The following ITGAX variants were observed in gnomAD, a reference collection of about 807,000 sequenced individuals.
The protein encoded by ITGAX is integrin subunit alpha X.
A neutral mutation model predicts 140.2 loss-of-function variants in ITGAX; 99 were observed. The observed-to-expected ratio is 0.71, with a 90% CI of 0.60 to 0.83. The LOEUF (loss-of-function observed/expected upper bound fraction) is 0.83, where lower values mean the gene tolerates loss of function less well. ITGAX is among the 40% of genes least tolerant of loss of function. The probability of loss-of-function intolerance (pLI) is 0.00; values close to 1 mark genes in which losing one functional copy is unlikely to be tolerated. For missense variants in ITGAX, 1,444 were observed against 1,482.0 expected, an observed-to-expected ratio of 0.97 and a Z score of 0.42; for synonymous variants, 631 against 600.4, an observed-to-expected ratio of 1.05 and a Z score of -0.75.
At position 31,360,002 on chromosome 16, in the gene ITGAX, T is replaced by A; in HGVS notation, c.644T>A (p.Leu215Gln). Reference sequence around the variant, plus strand: ...AGGCGCAGCTCAAACCCCCTCAGCCTGTTGGCTTCTGTTCACCAGCTGCAA... The same window carrying A: ...AGGCGCAGCTCAAACCCCCTCAGCCAGTTGGCTTCTGTTCACCAGCTGCAA... ...EFRRSSNPLSLLASVHQLQGF... is the reference protein window; with the variant it reads ...EFRRSSNPLSQLASVHQLQGF... The change falls in exon 7 of 30, where the codon CTG (leucine) becomes CAG (glutamine). Residue 215 changes from leucine (L) to glutamine (Q), a missense_variant. Physicochemically the swap from Leu to Gln is moderately radical, Grantham distance 113. Coordinates refer to ENST00000268296, the MANE Select transcript of ITGAX (RefSeq NM_000887.5). 6.2e-7 allele frequency: 1 copy of A among 1,613,984 alleles called. No individual in the cohort carries two copies. The highest frequency in any genetic ancestry group is 8.5e-7 in the Non-Finnish European group (1 of 1,180,036).
At chr16:31,361,317 CCTG>C (rs1732397910) in intron 9 of ITGAX, 104 bp downstream of exon 9, 4 of 1,295,066 alleles carry the variant, frequency 3.1e-6, no homozygotes, top group Non-Finnish European at 3.2e-6. Flanking sequence ...TCTCGGTTCT[CCTG>C]CTTTCCCGGG....
In ITGAX at chr16:31,380,543, GGT is replaced by G; in HGVS notation, c.3196_3197del (p.Val1066ArgfsTer5). 1 of 1,614,148 alleles carries G rather than the reference GGT, an allele frequency of 6.2e-7. No individual in the cohort carries two copies. The highest frequency in any genetic ancestry group is 1.3e-5 in the African/African-American group (1 of 74,942). On this transcript the variant is annotated frameshift_variant, in exon 28 of 30. Transcript: ENST00000268296. LOFTEE classifies it high-confidence loss of function. The part of the protein sequence containing the change: ...VRQILQKKVS[V>X]VSVAEITFDT... Reference sequence around the variant, plus strand: ...TGCAGATATTGCAGAAGAAGGTGTCGGTCGTGAGTGTGGCTGAAATTACGTTC... The same window carrying G: ...TGCAGATATTGCAGAAGAAGGTGTCGCGTGAGTGTGGCTGAAATTACGTTC...
At chr16:31,372,174 G>C (rs555027901) in intron 17 of ITGAX, among the ~76,000 whole-genome samples, 1 of 151,352 alleles carries the variant, frequency 6.6e-6, no homozygotes, top group Non-Finnish European at 1.5e-5. Context: ...CTGGGGGGGG[G>C]GAGGAAAAAA....
At chr16:31,379,703 T>C in intron 24 of ITGAX, 54 bp from the exon 25 acceptor site, 1 of 1,590,382 alleles carries the variant, frequency 6.3e-7, no homozygotes, top group Admixed American at 1.8e-5. Flanking sequence ...AGCCGGAGAC[T>C]GGGGAGGGAT....
At chr16:31,370,686 C>A (rs924192352) in intron 14 of ITGAX, among the ~76,000 whole-genome samples, 4 of 152,168 alleles carry the variant, frequency 2.6e-5, no homozygotes, top group Non-Finnish European at 5.9e-5. Flanking sequence ...GGGTGCTGTT[C>A]TAAGAACCGT....
At position 31,372,402 on chromosome 16, in the gene ITGAX, C is replaced by T. The variant is rs748854924; in HGVS notation, c.2185C>T (p.Pro729Ser). The T allele has an allele frequency of 1.2e-6, 2 of 1,608,988 alleles. No individual in the cohort carries two copies. Among genetic ancestry groups the T allele is most frequent in the South Asian group, 2.2e-5 (2 of 90,646 alleles). ...LPSCVEDSVT[P>S]ITLRLNFTLV... ...GAGCTGCGTGGAGGACTCTGTGACCCCCATTACCTTGCGTCTGAACTTCAC... is the reference window on the plus strand; with the variant it reads ...GAGCTGCGTGGAGGACTCTGTGACCTCCATTACCTTGCGTCTGAACTTCAC... Residue 729 changes from proline to serine, a missense_variant, in exon 18 of 30, where the codon CCC (proline) becomes TCC (serine). Transcript: ENST00000268296.
At chr16:31,377,320 A>C (rs2081029641) in intron 23 of ITGAX, 55 bp downstream of exon 23, 9 of 706,022 alleles carry the variant, frequency 1.3e-5, no homozygotes, top group South Asian at 2.5e-5. Context: ...CCTCAAAAAG[A>C]AAAAAAAAAA....
At chr16:31,380,404 C>A (rs1478297094) in intron 27 of ITGAX, 25 bp downstream of exon 27, 1 of 1,612,508 alleles carries the variant, frequency 6.2e-7, no homozygotes. Flanking sequence ...CGACAGAGCC[C>A]CTGCCCCAGA....
rs2080819248 is a variant in ITGAX at position 31,361,068 on chromosome 16, A to G, written c.867A>G (p.Gly289=). 1 of 1,612,736 alleles carries G rather than the reference A, an allele frequency of 6.2e-7. No individual in the cohort carries two copies. Among genetic ancestry groups the G allele is most frequent in the Admixed American group, 1.7e-5 (1 of 59,596 alleles). The part of the protein sequence containing the change: ...AGIIRYAIGV[G]LAFQNRNSWK... ...TTGATCTTTTCTGGGGACAGGTTGG[A>G]TTAGCTTTTCAAAACAGAAATTCTT... Residue 289 remains glycine (G), a synonymous_variant, in exon 9 of 30, where the codon GGA becomes GGG. Coordinates refer to ENST00000268296, the MANE Select transcript of ITGAX (RefSeq NM_000887.5).
In ITGAX at chr16:31,362,159, A is replaced by C. The variant is rs760646360; in HGVS notation, c.1171A>C (p.Ile391Leu). Residue 391 changes from isoleucine (I) to leucine (L), a missense_variant, in exon 11 of 30, where the codon ATC becomes CTC. Physicochemically the swap from Ile to Leu is conservative, Grantham distance 5. Coordinates refer to ENST00000268296, the MANE Select transcript of ITGAX (RefSeq NM_000887.5). ...CCCCCCAAATATGAGCCCTACCTTC[A>C]TCAACATGTCTCAGGAGAATGTGGA... Reference protein sequence around the residue: ...LYPPNMSPTFINMSQENVDMR... With the variant: ...LYPPNMSPTFLNMSQENVDMR... 6 of 1,613,958 alleles carry C rather than the reference A, an allele frequency of 3.7e-6. No homozygotes were observed. The South Asian group carries it at 6.6e-5, about 18-fold the overall frequency.
chr16:31,372,227 G>A (rs2080974012), intron 17 of ITGAX, 151 bp from the exon 18 acceptor site: 4 of 804,532 alleles, frequency 5.0e-6, no homozygotes, highest in Non-Finnish European at 7.7e-6. Context: ...GTGTCAGGGA[G>A]GCCTCCTGAA....
chr16:31,375,254 G>C (rs1161899599), intron 20 of ITGAX, among the ~76,000 whole-genome samples: 1 of 152,190 alleles, frequency 6.6e-6, no homozygotes, highest in African/African-American at 2.4e-5. Flanking sequence ...GACCTCAAAT[G>C]ATCCACCCGA....
In ITGAX at chr16:31,355,999, G is replaced by A. The variant is rs1178312047; in HGVS notation, c.143+1G>A. ...GCGTGGTCCAGTATGCCAACTCCTG[G>A]TGAGGCCCAGGTGGTGCTGGCCTTT... On this transcript the variant is annotated splice_donor_variant, in intron 2 of 29. Transcript: ENST00000268296. LOFTEE classifies it high-confidence loss of function. 2.5e-6 allele frequency: 4 copies of A among 1,607,854 alleles called. No individual in the cohort carries two copies. Among genetic ancestry groups the A allele is most frequent in the South Asian group, 1.1e-5 (1 of 90,778 alleles).
chr16:31,379,120 A>ACT (rs755373793), intron 23 of ITGAX, among the ~76,000 whole-genome samples: 55 of 147,996 alleles, frequency 3.7e-4, no homozygotes, highest in African/African-American at 7.0e-4. Flanking sequence ...TGGTCTCTAA[A>ACT]CTCTCTCTCT....
At chr16:31,370,739 T>C (rs1187778367) in intron 14 of ITGAX, among the ~76,000 whole-genome samples, 1 of 152,052 alleles carries the variant, frequency 6.6e-6, no homozygotes, top group Non-Finnish European at 1.5e-5. Context: ...GAGCTAATAG[T>C]ATCATTATAT....
chr16:31,372,892 G>A (rs1030260277), intron 19 of ITGAX, among the ~76,000 whole-genome samples: 5 of 148,092 alleles, frequency 3.4e-5, no homozygotes, highest in South Asian at 2.1e-4. Flanking sequence ...GCAACAGAGC[G>A]AGATCCCATT....
intron 14 of ITGAX, among the ~76,000 whole-genome samples, chr16:31,367,348 T>C (rs1460555627): frequency 6.6e-6 from 1 of 152,236 alleles, no homozygotes; most frequent in African/African-American, 2.4e-5. Context: ...TGGCCTTCGA[T>C]GGAAGAAGAT....
chr16:31,358,482 G>C (rs11150615), intron 5 of ITGAX: 33,390 of 152,024 alleles, frequency 0.22, 4,334 homozygotes, highest in African/African-American at 0.35. Flanking sequence ...CATACCTCTA[G>C]TCCTAACTAC....
intron 14 of ITGAX, among the ~76,000 whole-genome samples, 178 bp from the exon 15 acceptor site, chr16:31,370,906 C>G (rs2080949289): frequency 6.6e-6 from 1 of 152,148 alleles, no homozygotes; most frequent in African/African-American, 2.4e-5. Context: ...ACATCTGTTT[C>G]TTAGCAATCA....
Sources: allele counts gnomAD v4.1 joint callset (sites outside exome capture counted in the v4.1 genomes callset), GRCh38; gene constraint gnomAD v4.1.1; transcripts MANE v1.5; gene names NCBI Gene and HGNC (gene_info 2026-07-23, HGNC 2026-07-21).